The following NCK2 variants were observed in gnomAD, a reference collection of about 807,000 sequenced individuals.
NCK2 encodes the protein cytoplasmic protein NCK2.
Under a neutral mutation model 33.9 loss-of-function variants are expected in NCK2, and 16 were observed. The observed-to-expected ratio is 0.47, with a 90% CI of 0.32 to 0.72. The LOEUF is 0.72. NCK2 is among the 30% of genes least tolerant of loss of function. The pLI is 0.03. For missense variants in NCK2, 418 were observed against 537.3 expected (o/e 0.78, Z 2.19); for synonymous variants, 273 against 239.9 (o/e 1.14, Z -1.27).
At chr2:105,873,844 C>A (rs1455525920) in intron 3 of NCK2, among the ~76,000 whole-genome samples, 1 of 152,214 alleles carries the variant, frequency 6.6e-6, no homozygotes, top group African/African-American at 2.4e-5. Context: ...TCACTCCTTA[C>A]ATGAACCTCT....
intron 1 of NCK2, among the ~76,000 whole-genome samples, chr2:105,769,563 G>A (rs926945745): frequency 6.6e-6 from 1 of 152,190 alleles, no homozygotes; most frequent in Non-Finnish European, 1.5e-5. Flanking sequence ...TAGAAGTTAG[G>A]CATCCATGGC....
chr2:105,750,458 A>G (rs1689423305), intron 1 of NCK2, among the ~76,000 whole-genome samples: 1 of 152,202 alleles, frequency 6.6e-6, no homozygotes, highest in African/African-American at 2.4e-5. Context: ...GTGTCTGTCT[A>G]GGTTCCACAA....
intron 1 of NCK2, among the ~76,000 whole-genome samples, chr2:105,758,255 T>A (rs559527320): frequency 1.3e-4 from 20 of 152,272 alleles, no homozygotes; most frequent in African/African-American, 4.1e-4. Context: ...AGTAATTGAA[T>A]CACATTACTT....
intron 1 of NCK2, among the ~76,000 whole-genome samples, chr2:105,746,289 G>A (rs1426658269): frequency 6.6e-6 from 1 of 152,222 alleles, no homozygotes; most frequent in East Asian, 1.9e-4. Context: ...CCTCGACCCA[G>A]AAAGAAACAA....
intron 3 of NCK2, among the ~76,000 whole-genome samples, chr2:105,857,911 G>C (rs1466054300): frequency 1.3e-5 from 2 of 152,160 alleles, no homozygotes; most frequent in African/African-American, 4.8e-5. Context: ...AGTAACTTCT[G>C]TGCACTTCTG....
At chr2:105,852,100 G>A (rs368104323) in intron 2 of NCK2, among the ~76,000 whole-genome samples, 44 of 152,134 alleles carry the variant, frequency 2.9e-4, no homozygotes, top group African/African-American at 6.0e-4. Flanking sequence ...CGCATCGGAC[G>A]GTTGGGCGGG....
intron 2 of NCK2, among the ~76,000 whole-genome samples, chr2:105,853,387 T>C (rs1031938642): frequency 1.3e-5 from 2 of 152,252 alleles, no homozygotes; most frequent in African/African-American, 4.8e-5. Flanking sequence ...GTTGTTTTGA[T>C]AAACTTTTCA....
At chr2:105,839,845 A>G (rs554351399) in intron 2 of NCK2, among the ~76,000 whole-genome samples, 1 of 152,320 alleles carries the variant, frequency 6.6e-6, no homozygotes, top group East Asian at 1.9e-4. Flanking sequence ...GTTCAGAAGC[A>G]CAAGTAGAGT....
intron 1 of NCK2, among the ~76,000 whole-genome samples, chr2:105,767,173 A>G (rs954337919): frequency 2.0e-5 from 3 of 152,232 alleles, no homozygotes; most frequent in African/African-American, 4.8e-5. Context: ...TCTCATAGAT[A>G]CCATTCCATA....
At chr2:105,889,051 AC>A (rs1350312739) in intron 4 of NCK2, among the ~76,000 whole-genome samples, 2 of 152,224 alleles carry the variant, frequency 1.3e-5, no homozygotes, top group African/African-American at 4.8e-5. Flanking sequence ...TAGAAAGCCA[AC>A]CGTGGAAGGA....
intron 1 of NCK2, among the ~76,000 whole-genome samples, chr2:105,776,801 A>C (rs1187929541): frequency 6.6e-6 from 1 of 152,006 alleles, no homozygotes; most frequent in East Asian, 1.9e-4. Context: ...AGGGTACCAT[A>C]GCCCTCTGGT....
intron 2 of NCK2, among the ~76,000 whole-genome samples, chr2:105,824,777 G>T (rs1675879487): frequency 6.6e-6 from 1 of 152,102 alleles, no homozygotes; most frequent in Non-Finnish European, 1.5e-5. Flanking sequence ...TTGGGTGTGT[G>T]AACTTGGAAT....
At chr2:105,766,802 C>T (rs1238247968) in intron 1 of NCK2, among the ~76,000 whole-genome samples, 2 of 152,196 alleles carry the variant, frequency 1.3e-5, no homozygotes, top group Non-Finnish European at 2.9e-5. Flanking sequence ...GCAGGATTTT[C>T]GTTCCCTCCA....
At chr2:105,874,000 A>G (rs1010240561) in intron 3 of NCK2, among the ~76,000 whole-genome samples, 2 of 152,160 alleles carry the variant, frequency 1.3e-5, no homozygotes, top group Non-Finnish European at 2.9e-5. Context: ...AAGGCGGGGG[A>G]AGGCTCGGGG....
chr2:105,807,614 C>T (rs1227242815), intron 1 of NCK2, among the ~76,000 whole-genome samples: 1 of 152,074 alleles, frequency 6.6e-6, no homozygotes, highest in Admixed American at 6.5e-5. Context: ...TGGAGTCACG[C>T]TGGGCAGCCC....
rs183070458 is a variant in NCK2 at position 105,867,356 on chromosome 2, A to C, written c.226+12067A>C. 2.8e-3 allele frequency among the ~76,000 whole-genome samples: 422 copies of C among 152,356 alleles called. 3 individuals carry two copies. Among genetic ancestry groups the C allele is most frequent in the Middle Eastern group, 0.02 (6 of 294 alleles). ...GAATTCATTAAAATTCTGTCTTGCA[A>C]GATTGTTCATAATAGGAAGGGCCCA... On this transcript the variant is annotated intron_variant, in intron 3 of 4. Transcript: ENST00000233154.
chr2:105,761,484 C>T (rs1272138352), intron 1 of NCK2, among the ~76,000 whole-genome samples: 1 of 152,188 alleles, frequency 6.6e-6, no homozygotes, highest in African/African-American at 2.4e-5. Flanking sequence ...CTTCCTGCTC[C>T]ACCCTTCCCA....
At chr2:105,826,089 A>G (rs571550580) in intron 2 of NCK2, among the ~76,000 whole-genome samples, 2 of 152,214 alleles carry the variant, frequency 1.3e-5, no homozygotes, top group African/African-American at 2.4e-5. Flanking sequence ...GGTTATTTAT[A>G]CAGGAAAGAG....
intron 2 of NCK2, among the ~76,000 whole-genome samples, chr2:105,848,939 AACTG>A (rs1676953800): frequency 6.6e-6 from 1 of 152,186 alleles, no homozygotes. Context: ...TTTTTCTACT[AACTG>A]AACTCTAAAC....
Sources: gnomAD v4.1 joint callset for allele counts (sites outside exome capture counted in the v4.1 genomes callset) on GRCh38, gnomAD v4.1.1 for gene constraint, MANE v1.5 for transcripts, NCBI Gene and HGNC (gene_info 2026-07-23, HGNC 2026-07-21) for gene names.